CSTPP1: variants seen among roughly 807,000 people sequenced by gnomAD.
CSTPP1 encodes centriolar satellite-associated tubulin polyglutamylase complex regulator 1, also known as UPF0705 protein C11orf49.
chr11:47,015,884 G>GA, the CSTPP1 span, among the ~76,000 whole-genome samples: 70 of 149,218 alleles, frequency 4.7e-4, no homozygotes, highest in Non-Finnish European at 7.9e-4. Context: ...CATATAAAAA[G>GA]AAAAAAAAAG....
At chr11:47,069,199 A>C in the CSTPP1 span, among the ~76,000 whole-genome samples, 1 of 152,304 alleles carries the variant, frequency 6.6e-6, no homozygotes, top group East Asian at 1.9e-4. Context: ...GATCTACTTC[A>C]ACCCTTCCCC....
At chr11:46,957,164 C>G in the CSTPP1 span, among the ~76,000 whole-genome samples, 1 of 152,068 alleles carries the variant, frequency 6.6e-6, no homozygotes, top group African/African-American at 2.4e-5. Context: ...TTCTGAAGTA[C>G]TTCTTCATCT....
chr11:47,049,363 G>A, the CSTPP1 span, among the ~76,000 whole-genome samples: 7 of 151,994 alleles, frequency 4.6e-5, no homozygotes, highest in African/African-American at 1.2e-4. Flanking sequence ...TAGGCCAGGC[G>A]CGGTGGCTCA....
At chr11:47,118,869 C>T in the CSTPP1 span, among the ~76,000 whole-genome samples, 10 of 152,196 alleles carry the variant, frequency 6.6e-5, no homozygotes, top group African/African-American at 1.2e-4. Flanking sequence ...AGGTGTCTGT[C>T]GGCCCCTACT....
chr11:47,041,805 A>G, the CSTPP1 span: 1 of 479,636 alleles, frequency 2.1e-6, no homozygotes, highest in South Asian at 1.8e-5. Context: ...TGATCAGAAT[A>G]CTTTCATGCC....
At chr11:47,076,622 C>T in the CSTPP1 span, among the ~76,000 whole-genome samples, 2 of 152,096 alleles carry the variant, frequency 1.3e-5, no homozygotes, top group South Asian at 4.1e-4. Context: ...GGGCAGATCA[C>T]CTGAGGTCAG....
the CSTPP1 span, among the ~76,000 whole-genome samples, chr11:47,110,523 C>A: frequency 6.6e-6 from 1 of 152,180 alleles, no homozygotes. Flanking sequence ...CTGACTCAGA[C>A]TAAACTGCCC....
chr11:46,998,991 C>T, the CSTPP1 span, among the ~76,000 whole-genome samples: 1 of 152,052 alleles, frequency 6.6e-6, no homozygotes, highest in Non-Finnish European at 1.5e-5. Context: ...CCGCCTGCCT[C>T]GGCCTTCCAA....
chr11:46,966,548 G>A, the CSTPP1 span, among the ~76,000 whole-genome samples: 1 of 151,720 alleles, frequency 6.6e-6, no homozygotes, highest in Non-Finnish European at 1.5e-5. Context: ...GAAAATTTCT[G>A]CCAAATACCC....
At chr11:46,960,573 G>A in the CSTPP1 span, among the ~76,000 whole-genome samples, 9 of 152,096 alleles carry the variant, frequency 5.9e-5, no homozygotes, top group Non-Finnish European at 1.3e-4. Flanking sequence ...AAGATTCATC[G>A]ATGTTTGCTG....
chr11:46,966,540 A>G, the CSTPP1 span, among the ~76,000 whole-genome samples: 2 of 152,286 alleles, frequency 1.3e-5, no homozygotes, highest in Non-Finnish European at 2.9e-5. Flanking sequence ...ATTTTTGAGA[A>G]AATTTCTGCC....
chr11:47,105,828 C>A, the CSTPP1 span, among the ~76,000 whole-genome samples: 1 of 152,196 alleles, frequency 6.6e-6, no homozygotes, highest in African/African-American at 2.4e-5. Flanking sequence ...TGCTCCTTTT[C>A]GTCAAAGATG....
At chr11:46,960,570 A>G in the CSTPP1 span, among the ~76,000 whole-genome samples, 1 of 152,276 alleles carries the variant, frequency 6.6e-6, no homozygotes, top group South Asian at 2.1e-4. Context: ...TTTAAGATTC[A>G]TCGATGTTTG....
the CSTPP1 span, among the ~76,000 whole-genome samples, chr11:47,044,622 G>A: frequency 6.6e-6 from 1 of 152,144 alleles, no homozygotes; most frequent in East Asian, 1.9e-4. Context: ...TGGCAAAGAA[G>A]CAATATTTTA....
chr11:47,052,593 C>G, the CSTPP1 span: 1 of 1,522,712 alleles, frequency 6.6e-7, no homozygotes, highest in South Asian at 1.3e-5. Flanking sequence ...CTCTCTCTCT[C>G]TTTCTTTCTC....
At chr11:46,981,799 A>G in the CSTPP1 span, among the ~76,000 whole-genome samples, 6 of 152,062 alleles carry the variant, frequency 3.9e-5, no homozygotes, top group African/African-American at 1.4e-4. Flanking sequence ...TTGTATAAGA[A>G]TTACATGTGC....
the CSTPP1 span, among the ~76,000 whole-genome samples, chr11:47,153,121 C>T: frequency 6.6e-6 from 1 of 152,202 alleles, no homozygotes; most frequent in Non-Finnish European, 1.5e-5. Context: ...TCTCCCTGCT[C>T]CCTCAATCCA....
the CSTPP1 span, among the ~76,000 whole-genome samples, chr11:47,022,326 CATA>C: frequency 7.5e-6 from 1 of 134,032 alleles, no homozygotes; most frequent in Non-Finnish European, 1.6e-5. Context: ...TCCATTTCTT[CATA>C]CTATTTTCTT....
the CSTPP1 span, among the ~76,000 whole-genome samples, chr11:47,148,149 T>C: frequency 2.0e-5 from 3 of 152,178 alleles, no homozygotes; most frequent in African/African-American, 7.2e-5. Context: ...GACACCTTCA[T>C]AGCGGCCTTT....
Sources: allele counts gnomAD v4.1 joint callset (sites outside exome capture counted in the v4.1 genomes callset), GRCh38; gene constraint gnomAD v4.1.1; transcripts MANE v1.5; gene names NCBI Gene and HGNC (gene_info 2026-07-23, HGNC 2026-07-21).